Variants in PDS5B observed in about 807,000 individuals in gnomAD.
The protein encoded by PDS5B is sister chromatid cohesion protein PDS5 homolog B.
Under a neutral mutation model 184.1 loss-of-function variants are expected in PDS5B, and 51 were observed. That is an observed-to-expected ratio of 0.28 (90% CI 0.22 to 0.35). The LOEUF (loss-of-function observed/expected upper bound fraction) is 0.35. PDS5B is among the 10% of genes least tolerant of loss of function. The probability of loss-of-function intolerance (pLI) is 1.00; values close to 1 mark genes in which losing one functional copy is unlikely to be tolerated. For missense variants in PDS5B, 1,180 were observed against 1,723.3 expected (o/e 0.68, Z 5.58); for synonymous variants, 566 against 569.2 (o/e 0.99, Z 0.08).
At chr13:32,658,657 T>C (rs1376278904) in intron 5 of PDS5B, 126 bp downstream of exon 5, 2 of 554,582 alleles carry the variant, frequency 3.6e-6, no homozygotes, top group Non-Finnish European at 6.5e-6. Flanking sequence ...TAACACACTT[T>C]ATTTTTATAC....
intron 24 of PDS5B, among the ~76,000 whole-genome samples, chr13:32,751,186 T>C (rs1953969260): frequency 6.6e-6 from 1 of 152,164 alleles, no homozygotes; most frequent in Admixed American, 6.5e-5. Context: ...TCCATCCATA[T>C]TGCTGCAAAA....
At chr13:32,705,861 C>T (rs989614670) in intron 17 of PDS5B, among the ~76,000 whole-genome samples, 1 of 152,052 alleles carries the variant, frequency 6.6e-6, no homozygotes, top group Non-Finnish European at 1.5e-5. Context: ...GAGACAGGGT[C>T]TCGTTATGTT....
rs1163602196 is a variant in PDS5B at position 32,742,573 on chromosome 13, G to A, written c.2476-18G>A. On this transcript the variant is annotated intron_variant, in intron 22 of 34. Coordinates refer to ENST00000315596, the MANE Select transcript of PDS5B (RefSeq NM_015032.4). ...AAAATGTACCAGTGTTTTATTTGTC[G>A]ACTTGTCTCTTAAATAGATTCAGGC... 6.9e-6 allele frequency: 11 copies of A among 1,590,316 alleles called. No individual in the cohort carries two copies. Among genetic ancestry groups the A allele is most frequent in the African/African-American group, 6.8e-5 (5 of 73,734 alleles).
rs1373525204 is a variant in PDS5B, at chr13:32,776,580, T to C, written c.*1528T>C. On this transcript the variant is annotated 3_prime_UTR_variant, in exon 35 of 35. Coordinates refer to ENST00000315596, the MANE Select transcript of PDS5B (RefSeq NM_015032.4). Reference sequence around the variant, plus strand: ...AGTATTTTAGGTGCTGTTATGTTTTTTCATGGTTAACACCAGAGGGGAAAA... The same window carrying C: ...AGTATTTTAGGTGCTGTTATGTTTTCTCATGGTTAACACCAGAGGGGAAAA... 1.3e-5 allele frequency: 2 copies of C among 152,146 alleles called. No individual in the cohort carries two copies. The highest frequency in any genetic ancestry group is 6.6e-5 in the Admixed American group (1 of 15,262). 9.4% of individuals were successfully genotyped at this position (152,146 alleles called of 1,614,324 possible). A position where few individuals can be genotyped will look rare whatever the true frequency, so the allele number is the denominator to read the frequency against.
intron 26 of PDS5B, among the ~76,000 whole-genome samples, chr13:32,757,500 C>T (rs1204972806): frequency 7.9e-6 from 1 of 125,818 alleles, no homozygotes; most frequent in Non-Finnish European, 1.9e-5. Flanking sequence ...ATAGGCAAAA[C>T]ACTTTCATTT....
intron 11 of PDS5B, 104 bp downstream of exon 11, chr13:32,684,127 C>CT (rs1279357012): frequency 8.1e-6 from 4 of 491,354 alleles, no homozygotes; most frequent in African/African-American, 4.1e-5. Context: ...TATAATTAGC[C>CT]TTTTTTAGGG....
intron 31 of PDS5B, 41 bp downstream of exon 31, chr13:32,764,635 A>G (rs1234725204): frequency 6.3e-6 from 7 of 1,113,796 alleles, no homozygotes; most frequent in Non-Finnish European, 9.1e-6. Flanking sequence ...ATTAATGATA[A>G]TTTTACTTAG....
At position 32,675,329 on chromosome 13, in the gene PDS5B, G is replaced by A. The variant is rs2301392; in HGVS notation, c.847-515G>A. ...AAATTTGAGTTTTCACAGGTTTAAG[G>A]CCTCTTTTTACTGTTGAGCTCCTTT... On this transcript the variant is annotated intron_variant, in intron 8 of 34. Transcript: ENST00000315596. Among the ~76,000 whole-genome samples, 126 of 152,246 alleles carry A rather than the reference G, an allele frequency of 8.3e-4. 1 individual carries two copies. In the East Asian group the frequency reaches 0.018, roughly 21 times the overall value.
intron 5 of PDS5B, 128 bp from the exon 6 acceptor site, chr13:32,659,026 A>G (rs1401581305): frequency 1.4e-5 from 7 of 489,814 alleles, no homozygotes; most frequent in Non-Finnish European, 2.0e-5. Context: ...CTTTAAATGA[A>G]TATACATAGA....
chr13:32,762,192 C>G (rs1321483130), intron 30 of PDS5B, among the ~76,000 whole-genome samples: 1 of 152,180 alleles, frequency 6.6e-6, no homozygotes, highest in East Asian at 1.9e-4. Flanking sequence ...TTCATCCTTT[C>G]ACTGGTTTTA....
chr13:32,696,631 A>G (rs1951714950), intron 14 of PDS5B, among the ~76,000 whole-genome samples: 1 of 152,062 alleles, frequency 6.6e-6, no homozygotes, highest in Non-Finnish European at 1.5e-5. Flanking sequence ...AGGCTAACAC[A>G]ACAGGGTGAG....
At chr13:32,645,125 C>T (rs1334865682) in intron 1 of PDS5B, among the ~76,000 whole-genome samples, 1 of 152,092 alleles carries the variant, frequency 6.6e-6, no homozygotes, top group Non-Finnish European at 1.5e-5. Flanking sequence ...GATCTTGTCA[C>T]CTCAACTTGG....
intron 1 of PDS5B, among the ~76,000 whole-genome samples, chr13:32,631,613 T>C (rs1352545873): frequency 6.6e-6 from 1 of 152,222 alleles, no homozygotes; most frequent in African/African-American, 2.4e-5. Context: ...GCAAGTTTGA[T>C]TGTATTGTTT....
chr13:32,633,522 T>C (rs776104997), intron 1 of PDS5B, among the ~76,000 whole-genome samples: 14 of 152,356 alleles, frequency 9.2e-5, no homozygotes, highest in Non-Finnish European at 1.8e-4. Context: ...TCAGTGAGAC[T>C]AGATTCAGAT....
chr13:32,623,746 A>T, intron 1 of PDS5B, among the ~76,000 whole-genome samples: 1 of 148,186 alleles, frequency 6.7e-6, no homozygotes. Flanking sequence ...AGTTACTTTC[A>T]TTTTTCCACA....
intron 1 of PDS5B, among the ~76,000 whole-genome samples, chr13:32,586,802 CGCGGGCCGGCTGCGCGGTGGGGGTGGG>C (rs2057684196): frequency 1.4e-5 from 2 of 138,276 alleles, no homozygotes; most frequent in Admixed American, 7.1e-5. Context: ...GGTCGCGGGG[CGCGGGCCGGCTGCGCGGTGGGGGTGGG>C]GAGGGCCCCG....
chr13:32,759,779 A>G (rs1954310570), intron 29 of PDS5B, 89 bp downstream of exon 29: 5 of 622,220 alleles, frequency 8.0e-6, no homozygotes, highest in Non-Finnish European at 1.4e-5. Flanking sequence ...ATTTCTTCAA[A>G]AATTTATATT....
chr13:32,683,912 A>G lies in PDS5B; in HGVS notation c.1092A>G (p.Glu364=). ...AAGTGAGGTCACATGACCCTGAGGA[A>G]GCTATTAGACATGATGTTATTGTGT... ...YLKVRSHDPE[E]AIRHDVIVSI... The change falls in exon 11 of 35, where the codon GAA becomes GAG. Residue 364 remains glutamate (E), a synonymous_variant. Transcript: ENST00000315596. The G allele has an allele frequency of 8.1e-6, 13 of 1,599,988 alleles. 1 individual carries two copies. The highest frequency in any genetic ancestry group is 6.7e-5 in the African/African-American group (5 of 74,698).
chr13:32,660,671 T>C (rs1048333040), intron 6 of PDS5B, among the ~76,000 whole-genome samples: 2 of 152,204 alleles, frequency 1.3e-5, no homozygotes, highest in African/African-American at 4.8e-5. Flanking sequence ...CATCCGTTGA[T>C]TGTCGTGGAG....
Sources: gnomAD v4.1 joint callset for allele counts (sites outside exome capture counted in the v4.1 genomes callset) on GRCh38, gnomAD v4.1.1 for gene constraint, MANE v1.5 for transcripts, NCBI Gene and HGNC (gene_info 2026-07-23, HGNC 2026-07-21) for gene names.